OSBP: variants seen among roughly 807,000 people sequenced by gnomAD.
The protein encoded by OSBP is oxysterol binding protein.
A neutral mutation model predicts 96.6 loss-of-function variants in OSBP; 32 were observed. That is an observed-to-expected ratio of 0.33 (90% CI 0.25 to 0.45). The LOEUF is 0.45. Ranked by LOEUF, OSBP falls within the 20% of genes least tolerant of loss-of-function variation. OSBP has a pLI of 1.00. For synonymous variants in OSBP, 369 were observed against 389.6 expected (o/e 0.95, Z 0.62); for missense variants, 653 against 1,029.7 (o/e 0.63, Z 5.01).
At chr11:59,600,751 A>C (rs2134669337) in intron 6 of OSBP, 68 bp downstream of exon 6, 1 of 1,569,764 alleles carries the variant, frequency 6.4e-7, no homozygotes, top group Non-Finnish European at 8.6e-7. Context: ...TTCACAAAAA[A>C]AAAAAAAAAA....
chr11:59,612,983 C>T (rs1407739140), intron 1 of OSBP, among the ~76,000 whole-genome samples: 1 of 152,096 alleles, frequency 6.6e-6, no homozygotes, highest in Non-Finnish European at 1.5e-5. Flanking sequence ...GTACACAATC[C>T]CACTTAAAAG....
chr11:59,600,952 A>G (rs570786257), intron 5 of OSBP, 79 bp from the exon 6 acceptor site: 2 of 1,200,196 alleles, frequency 1.7e-6, no homozygotes, highest in Admixed American at 1.7e-5. Flanking sequence ...TTTACAAAGC[A>G]GAATGCCAAG....
intron 11 of OSBP, among the ~76,000 whole-genome samples, chr11:59,579,054 C>G (rs1174630103): frequency 6.6e-6 from 1 of 152,132 alleles, no homozygotes; most frequent in African/African-American, 2.4e-5. Context: ...CTGTCCCCTC[C>G]CCTCACTACC....
intron 2 of OSBP, among the ~76,000 whole-genome samples, chr11:59,609,097 G>A (rs1242003790): frequency 2.6e-5 from 4 of 152,164 alleles, no homozygotes; most frequent in Non-Finnish European, 5.9e-5. Flanking sequence ...AAAGGCTCTT[G>A]GAATTGGGAA....
chr11:59,603,589 T>C (rs571297218), intron 3 of OSBP, among the ~76,000 whole-genome samples: 1 of 143,566 alleles, frequency 7.0e-6, no homozygotes, highest in South Asian at 2.2e-4. Flanking sequence ...CAGGTTGGAG[T>C]GCAGTGGCAC....
chr11:59,601,963 C>G, intron 3 of OSBP, 125 bp from the exon 4 acceptor site: 1 of 768,448 alleles, frequency 1.3e-6, no homozygotes, highest in Non-Finnish European at 2.1e-6. Context: ...GAAAGACTTT[C>G]CCTTTTATGC....
intron 7 of OSBP, among the ~76,000 whole-genome samples, chr11:59,596,082 C>T (rs1022112118): frequency 1.8e-4 from 28 of 152,030 alleles, no homozygotes; most frequent in African/African-American, 6.8e-4. Flanking sequence ...CACAGAGCCA[C>T]AGAGCCAACA....
At chr11:59,593,412 C>CCT (rs1281238886) in intron 9 of OSBP, 192 bp downstream of exon 9, 3 of 587,390 alleles carry the variant, frequency 5.1e-6, no homozygotes, top group Admixed American at 5.9e-5. Context: ...CTAGATGGGT[C>CCT]CTTAAAGAGT....
intron 9 of OSBP, among the ~76,000 whole-genome samples, chr11:59,588,622 G>A (rs1334565919): frequency 6.6e-6 from 1 of 152,020 alleles, no homozygotes; most frequent in Admixed American, 6.6e-5. Context: ...GGGTGGTGAT[G>A]GTTGCACAAC....
At chr11:59,577,237 C>G (rs1860371279) in intron 12 of OSBP, among the ~76,000 whole-genome samples, 1 of 152,208 alleles carries the variant, frequency 6.6e-6, no homozygotes, top group South Asian at 2.1e-4. Context: ...CACTCAGTTC[C>G]ATAGTCTTCT....
At chr11:59,586,709 T>C (rs948014385) in intron 9 of OSBP, among the ~76,000 whole-genome samples, 3 of 152,184 alleles carry the variant, frequency 2.0e-5, no homozygotes, top group Non-Finnish European at 2.9e-5. Flanking sequence ...GCCAGTGGAA[T>C]AGAACAAAGA....
Position 59,615,767 on chromosome 11 carries a change from G to A in OSBP, c.-103C>T. The A allele has an allele frequency of 1.6e-6, 2 of 1,214,624 alleles. No individual in the cohort carries two copies. The highest frequency in any genetic ancestry group is 3.4e-5 in the South Asian group (1 of 29,366). 75.2% of individuals were successfully genotyped at this position (1,214,624 alleles called of 1,614,324 possible). A position where few individuals can be genotyped will look rare whatever the true frequency, so the allele number is the denominator to read the frequency against. On this transcript the variant is annotated 5_prime_UTR_variant, in exon 1 of 14. Transcript: ENST00000263847. ...CTACCGCATCAGCCACCGCCGCGCA[G>A]CGTCCCCGCCCCGCCCGGCCAGCCG...
chr11:59,593,129 G>A (rs1008711970), intron 9 of OSBP, among the ~76,000 whole-genome samples: 14 of 152,102 alleles, frequency 9.2e-5, no homozygotes, highest in African/African-American at 3.1e-4. Context: ...TAAAGTTTCA[G>A]TGACCTAGAA....
At chr11:59,594,610 C>T (rs1430369739) in intron 7 of OSBP, among the ~76,000 whole-genome samples, 1 of 152,208 alleles carries the variant, frequency 6.6e-6, no homozygotes, top group Non-Finnish European at 1.5e-5. Context: ...TATTTTAGCA[C>T]AAGTATACCC....
intron 12 of OSBP, among the ~76,000 whole-genome samples, 190 bp from the exon 13 acceptor site, chr11:59,577,215 G>A (rs1860371093): frequency 6.6e-6 from 1 of 152,096 alleles, no homozygotes; most frequent in South Asian, 2.1e-4. Flanking sequence ...CTCCCCATCC[G>A]CTCCCTGGCA....
intron 3 of OSBP, among the ~76,000 whole-genome samples, chr11:59,607,101 TA>T (rs531006568): frequency 4.0e-5 from 6 of 150,428 alleles, no homozygotes; most frequent in East Asian, 1.9e-4. Context: ...TACATCAAGG[TA>T]AAAAAAAAAT....
At chr11:59,613,702 C>T (rs745675713) in intron 1 of OSBP, among the ~76,000 whole-genome samples, 6 of 152,186 alleles carry the variant, frequency 3.9e-5, no homozygotes, top group Admixed American at 1.3e-4. Context: ...ATAAGTAGTT[C>T]GAAAGGGTCA....
chr11:59,603,528 A>AG (rs1447591937), intron 3 of OSBP, among the ~76,000 whole-genome samples: 2 of 128,810 alleles, frequency 1.6e-5, no homozygotes, highest in Non-Finnish European at 3.3e-5. Flanking sequence ...CATCACCTTC[A>AG]GTTTTTTTTT....
At position 59,594,202 on chromosome 11, in the gene OSBP, T is replaced by G. The variant is rs1245963763; in HGVS notation, c.1365A>C (p.Glu455Asp). 6.2e-7 allele frequency: 1 copy of G among 1,614,064 alleles called. No individual in the cohort carries two copies. Among genetic ancestry groups the G allele is most frequent in the Non-Finnish European group, 8.5e-7 (1 of 1,179,998 alleles). ...SMLQRLTEDL[E>D]YHELLDRAAK... Reference sequence around the variant, plus strand: ...CAGCTCGGTCTAACAGCTCATGGTATTCCAGATCTTCAGTAAGGCGCTGAA... The same window carrying G: ...CAGCTCGGTCTAACAGCTCATGGTAGTCCAGATCTTCAGTAAGGCGCTGAA... The change falls in exon 8 of 14, where the codon GAA (glutamate) becomes GAC (aspartate). Residue 455 changes from glutamate to aspartate, a missense_variant. Physicochemically the swap from Glu to Asp is conservative, Grantham distance 45. Coordinates refer to ENST00000263847, the MANE Select transcript of OSBP (RefSeq NM_002556.3).
Sources: allele counts gnomAD v4.1 joint callset (sites outside exome capture counted in the v4.1 genomes callset), GRCh38; gene constraint gnomAD v4.1.1; transcripts MANE v1.5; gene names NCBI Gene and HGNC (gene_info 2026-07-23, HGNC 2026-07-21).